SFI1: variants seen among roughly 807,000 people sequenced by gnomAD.
SFI1 encodes the protein protein SFI1 homolog.
In SFI1, 195 loss-of-function variants were observed where a neutral mutation model predicts 207.5. The observed-to-expected ratio is 0.94, with a 90% CI of 0.84 to 1.06. The LOEUF (loss-of-function observed/expected upper bound fraction) is 1.06, where lower values mean the gene tolerates loss of function less well. SFI1 is among the 50% of genes least tolerant of loss of function. SFI1 has a pLI of 0.00. For synonymous variants in SFI1, 630 were observed against 598.9 expected (o/e 1.05, Z -0.76); for missense variants, 1,634 against 1,588.0 (o/e 1.03, Z -0.49).
Position 31,527,612 on chromosome 22 carries a change from TTG to T in SFI1, c.93-1068_93-1067del, listed in dbSNP as rs759445425. On this transcript the variant is annotated intron_variant, in intron 2 of 32. Coordinates refer to ENST00000400288, the MANE Select transcript of SFI1 (RefSeq NM_001007467.3). ...AATTTTTTAAAAAGTATATTAAACTTTGTGTGTGTGTTTGTGTGTACATACGT... is the reference window on the plus strand; with the variant it reads ...AATTTTTTAAAAAGTATATTAAACTTTGTGTGTGTTTGTGTGTACATACGT... Among the ~76,000 whole-genome samples, 7 of 151,970 alleles carry T rather than the reference TTG, an allele frequency of 4.6e-5. No homozygotes were observed. In the East Asian group the frequency reaches 5.8e-4, roughly 13 times the overall value.
intron 4 of SFI1, among the ~76,000 whole-genome samples, chr22:31,536,223 C>A (rs1349212282): frequency 6.6e-6 from 1 of 151,934 alleles, no homozygotes; most frequent in Non-Finnish European, 1.5e-5. Flanking sequence ...TTATGTGAGC[C>A]CTCGTGCTGG....
chr22:31,554,469 C>T lies in SFI1; in HGVS notation c.545-2473C>T, dbSNP rs183673143. Among the ~76,000 whole-genome samples the T allele has an allele frequency of 1.0e-2, 1,514 of 152,122 alleles. 9 individuals are homozygous for T. Among genetic ancestry groups the T allele is most frequent in the Non-Finnish European group, 0.015 (1,052 of 67,996 alleles). Reference sequence around the variant, plus strand: ...GACTACAGGTGCCCACCACCCCGCCCGGCTAATTTTTTGTATTTTTAATAG... The same window carrying T: ...GACTACAGGTGCCCACCACCCCGCCTGGCTAATTTTTTGTATTTTTAATAG... On this transcript the variant is annotated intron_variant, in intron 6 of 32. Coordinates refer to ENST00000400288, the MANE Select transcript of SFI1 (RefSeq NM_001007467.3).
intron 15 of SFI1, among the ~76,000 whole-genome samples, chr22:31,598,633 G>A (rs1244996594): frequency 6.9e-6 from 1 of 144,790 alleles, no homozygotes; most frequent in African/African-American, 2.6e-5. Flanking sequence ...TAGCCAGGAT[G>A]GTCTCGATCT....
chr22:31,546,832 A>C, intron 4 of SFI1, 29 bp from the exon 5 acceptor site: 13 of 1,379,156 alleles, frequency 9.4e-6, no homozygotes, highest in Non-Finnish European at 1.2e-5. Flanking sequence ...ACATCATCAT[A>C]TATATATATG....
chr22:31,606,520 T>C, intron 21 of SFI1, 90 bp downstream of exon 21: 1 of 999,458 alleles, frequency 1.0e-6, no homozygotes, highest in Non-Finnish European at 1.5e-6. Flanking sequence ...TGCCAGAGAT[T>C]TGAACTGAAT....
intron 2 of SFI1, among the ~76,000 whole-genome samples, chr22:31,516,436 C>T (rs148611881): frequency 0.03 from 4,511 of 151,818 alleles, 150 homozygotes; most frequent in Admixed American, 0.087. Context: ...TTGCTTGAAC[C>T]TGTGAGGTGG....
chr22:31,602,244 G>C lies in SFI1; in HGVS notation c.1577G>C (p.Trp526Ser), dbSNP rs2068237586. 1 of 1,614,032 alleles carries C rather than the reference G, an allele frequency of 6.2e-7. No homozygotes were observed. The highest frequency in any genetic ancestry group is 1.3e-5 in the African/African-American group (1 of 74,924). ...ETLEKQVFSL[W>S]RQKMFQHREN... Reference sequence around the variant, plus strand: ...TTAGAGAAGCAAGTATTTTCTCTCTGGAGGCAGAAGATGTTTCAGCATCGA... The same window carrying C: ...TTAGAGAAGCAAGTATTTTCTCTCTCGAGGCAGAAGATGTTTCAGCATCGA... Residue 526 changes from tryptophan to serine, a missense_variant, in exon 16 of 33, where the codon TGG (tryptophan) becomes TCG (serine). By Grantham distance (177) the Trp-to-Ser change is radical. Coordinates refer to ENST00000400288, the MANE Select transcript of SFI1 (RefSeq NM_001007467.3).
At position 31,611,240 on chromosome 22, in the gene SFI1, GCAGC is replaced by G. The variant is rs753132659; in HGVS notation, c.2353_2356del (p.Gln785CysfsTer115). 10 of 1,613,596 alleles carry G rather than the reference GCAGC, an allele frequency of 6.2e-6. No homozygotes were observed. In the South Asian group the frequency reaches 1.1e-4, roughly 18 times the overall value. On this transcript the variant is annotated frameshift_variant, in exon 23 of 33. Coordinates refer to ENST00000400288, the MANE Select transcript of SFI1 (RefSeq NM_001007467.3). LOFTEE classifies it high-confidence loss of function. ...AGAGGGCAGTGCAACACCACCACCG[GCAGC>G]TGCTGCTGGAGGGGCTGGCCCGGTG...
intron 12 of SFI1, among the ~76,000 whole-genome samples, chr22:31,583,098 T>C (rs915499368): frequency 6.6e-6 from 1 of 151,850 alleles, no homozygotes; most frequent in Non-Finnish European, 1.5e-5. Flanking sequence ...CTTGTATAAT[T>C]TTTTTTGTTG....
chr22:31,559,597 C>T (rs2061479752), intron 7 of SFI1: 2 of 666,306 alleles, frequency 3.0e-6, no homozygotes, highest in Middle Eastern at 4.4e-4. Flanking sequence ...TGTGGGTTGA[C>T]AGTACACTCA....
chr22:31,529,272 G>A (rs1263745100), intron 3 of SFI1, among the ~76,000 whole-genome samples: 2 of 152,200 alleles, frequency 1.3e-5, no homozygotes, highest in African/African-American at 4.8e-5. Flanking sequence ...ATCAGGTCAG[G>A]TACGGTGGCT....
intron 10 of SFI1, among the ~76,000 whole-genome samples, chr22:31,577,088 C>T (rs1284142404): frequency 6.6e-6 from 1 of 152,206 alleles, no homozygotes; most frequent in Non-Finnish European, 1.5e-5. Flanking sequence ...TATGAGGAAG[C>T]TCAGACTAAT....
At chr22:31,545,725 C>T (rs961631190) in intron 4 of SFI1, among the ~76,000 whole-genome samples, 2 of 150,946 alleles carry the variant, frequency 1.3e-5, no homozygotes, top group East Asian at 2.0e-4. Flanking sequence ...GGACTACTGG[C>T]GTGCACCACC....
intron 14 of SFI1, among the ~76,000 whole-genome samples, chr22:31,586,443 G>A (rs1361399700): frequency 6.6e-6 from 1 of 152,194 alleles, no homozygotes; most frequent in East Asian, 1.9e-4. Flanking sequence ...ACCAACAAAT[G>A]AACTGCTGTT....
chr22:31,602,326 G>A (rs569243632), intron 16 of SFI1, 33 bp downstream of exon 16: 11 of 1,594,654 alleles, frequency 6.9e-6, no homozygotes, highest in African/African-American at 6.7e-5. Context: ...ATGTGTGGAG[G>A]GGCAGGATCT....
rs116329355 is a variant in SFI1, at chr22:31,515,509, G to C, written c.92+7133G>C. ...TCCTCCTTCCTCAGCCTCCCAAGTA[G>C]CTGGGACTACAAATATGCATCACTG... On this transcript the variant is annotated intron_variant, in intron 2 of 32. Transcript: ENST00000400288. 7.6e-3 allele frequency among the ~76,000 whole-genome samples: 1,129 copies of C among 148,128 alleles called. 26 individuals carry two copies. Among genetic ancestry groups the C allele is most frequent in the African/African-American group, 0.026 (1,025 of 40,008 alleles).
chr22:31,613,881 C>T lies in SFI1; in HGVS notation c.2996+26C>T. 4 of 1,565,982 alleles carry T rather than the reference C, an allele frequency of 2.6e-6. No individual in the cohort carries two copies. The South Asian group carries it at 3.5e-5, about 14-fold the overall frequency. Reference sequence around the variant, plus strand: ...GTGAGTAGCCTGTGCTCACCTTGTCCTCGCTTCCACCCTGGGCAAAAGGTT... The same window carrying T: ...GTGAGTAGCCTGTGCTCACCTTGTCTTCGCTTCCACCCTGGGCAAAAGGTT... On this transcript the variant is annotated intron_variant, in intron 27 of 32. Coordinates refer to ENST00000400288, the MANE Select transcript of SFI1 (RefSeq NM_001007467.3).
intron 1 of SFI1, among the ~76,000 whole-genome samples, chr22:31,504,075 T>C (rs927905708): frequency 1.3e-5 from 2 of 152,248 alleles, no homozygotes; most frequent in Admixed American, 1.3e-4. Context: ...CAGATGTGAT[T>C]CCTGTTTCCA....
chr22:31,501,262 C>A (rs150815518), intron 1 of SFI1, among the ~76,000 whole-genome samples: 1 of 151,412 alleles, frequency 6.6e-6, no homozygotes, highest in Non-Finnish European at 1.5e-5. Context: ...AGTTCTGCCT[C>A]CTGGGTTCAC....
Sources: gnomAD v4.1 joint callset for allele counts (sites outside exome capture counted in the v4.1 genomes callset) on GRCh38, gnomAD v4.1.1 for gene constraint, MANE v1.5 for transcripts, NCBI Gene and HGNC (gene_info 2026-07-23, HGNC 2026-07-21) for gene names.